Variants in GPHN observed in about 807,000 individuals in gnomAD.
GPHN encodes the protein gephyrin.
In GPHN, 17 loss-of-function variants were observed where a neutral mutation model predicts 95.5. The ratio of observed to expected loss-of-function variants is 0.18; its 90% CI spans 0.12 to 0.27. The LOEUF is 0.27. Ranked by LOEUF, GPHN falls within the 10% of genes least tolerant of loss-of-function variation. The probability of loss-of-function intolerance (pLI) is 1.00; values close to 1 mark genes in which losing one functional copy is unlikely to be tolerated. For missense variants in GPHN, 660 were observed against 978.1 expected (o/e 0.67, Z 4.34); for synonymous variants, 320 against 322.5 (o/e 0.99, Z 0.08).
intron 2 of GPHN, among the ~76,000 whole-genome samples, chr14:66,738,056 G>A (rs190886716): frequency 5.3e-5 from 8 of 152,106 alleles, no homozygotes; most frequent in Admixed American, 2.0e-4. Flanking sequence ...AATCCTCCAG[G>A]GAACATGTAA....
chr14:67,012,744 A>C (rs1212814942), intron 9 of GPHN, among the ~76,000 whole-genome samples: 6 of 152,142 alleles, frequency 3.9e-5, no homozygotes, highest in Admixed American at 2.6e-4. Context: ...AAATTCAACA[A>C]AACATTTGAG....
rs537235454 is a variant in GPHN, at chr14:66,726,995, T to A, written c.143+45810T>A. On this transcript the variant is annotated intron_variant, in intron 2 of 22. Transcript: ENST00000478722. ...GCTGTGTCCCCCCTCAAATCTCATC[T>A]TGAATTGTAACTCCCACAATTCCCA... Among the ~76,000 whole-genome samples the A allele has an allele frequency of 5.9e-5, 9 of 152,364 alleles. No individual in the cohort carries two copies. In the East Asian group the frequency reaches 1.2e-3, roughly 20 times the overall value.
At chr14:66,755,002 A>G (rs1214468757) in intron 2 of GPHN, among the ~76,000 whole-genome samples, 1 of 152,098 alleles carries the variant, frequency 6.6e-6, no homozygotes, top group Non-Finnish European at 1.5e-5. Flanking sequence ...AACATTAATC[A>G]GCAGAACTTA....
At chr14:66,645,991 C>G (rs1209833690) in intron 1 of GPHN, among the ~76,000 whole-genome samples, 1 of 152,058 alleles carries the variant, frequency 6.6e-6, no homozygotes, top group Non-Finnish European at 1.5e-5. Context: ...TGCTCCAGGT[C>G]ACTTCTCATA....
At chr14:66,704,167 A>G (rs1222423065) in intron 2 of GPHN, among the ~76,000 whole-genome samples, 3 of 152,148 alleles carry the variant, frequency 2.0e-5, no homozygotes, top group Non-Finnish European at 4.4e-5. Context: ...CAGATTTATT[A>G]AACAAGTTGC....
At chr14:66,746,303 T>C (rs1440290694) in intron 2 of GPHN, among the ~76,000 whole-genome samples, 1 of 152,176 alleles carries the variant, frequency 6.6e-6, no homozygotes, top group Non-Finnish European at 1.5e-5. Context: ...CAATCAATTG[T>C]CTTATCCCAT....
intron 17 of GPHN, among the ~76,000 whole-genome samples, chr14:67,138,685 G>C (rs191598572): frequency 7.2e-5 from 11 of 152,046 alleles, no homozygotes; most frequent in African/African-American, 2.7e-4. Flanking sequence ...TTAAAATATA[G>C]CATGAATCAT....
At chr14:67,138,117 A>C (rs2080209781) in intron 17 of GPHN, among the ~76,000 whole-genome samples, 1 of 152,216 alleles carries the variant, frequency 6.6e-6, no homozygotes, top group Non-Finnish European at 1.5e-5. Flanking sequence ...TTCATAATGC[A>C]AATATTACTA....
rs1018036895 is a variant in GPHN, at chr14:66,851,718, G to A, written c.294+27152G>A. The stretch of plus-strand genomic sequence containing the variant: ...GGAGGATACCTTTGTCATATTAAAG[G>A]CATTTGGATTTTTTTTTCTATTAAG... On this transcript the variant is annotated intron_variant, in intron 4 of 22. Coordinates refer to ENST00000478722, the MANE Select transcript of GPHN (RefSeq NM_020806.5). Among the ~76,000 whole-genome samples the A allele has an allele frequency of 5.3e-5, 8 of 152,072 alleles. No individual in the cohort carries two copies. The South Asian group carries it at 1.5e-3, about 28-fold the overall frequency.
the GPHN span, among the ~76,000 whole-genome samples, chr14:67,349,661 T>A: frequency 6.6e-6 from 1 of 151,956 alleles, no homozygotes; most frequent in Non-Finnish European, 1.5e-5. Context: ...GTGGTGAAAC[T>A]CAAAAATACA....
intron 10 of GPHN, among the ~76,000 whole-genome samples, chr14:67,033,662 T>C (rs2074292213): frequency 6.6e-6 from 1 of 152,124 alleles, no homozygotes; most frequent in Admixed American, 6.6e-5. Context: ...CCAAACTTAT[T>C]TGAAGAAATA....
chr14:67,577,340 A>G, the GPHN span: 2 of 1,583,906 alleles, frequency 1.3e-6, no homozygotes, highest in Non-Finnish European at 1.7e-6. Flanking sequence ...GTGCTACAGC[A>G]AAGACGGCCT....
intron 5 of GPHN, among the ~76,000 whole-genome samples, chr14:66,897,135 G>T (rs2064894680): frequency 2.0e-5 from 3 of 152,068 alleles, no homozygotes; most frequent in Non-Finnish European, 4.4e-5. Flanking sequence ...CCCTTTACTA[G>T]TTTTTTCCAG....
rs1216565518 is a variant in GPHN, at chr14:67,144,236, TAAA to T, written c.1836+800_1836+802del. 7.8e-3 allele frequency among the ~76,000 whole-genome samples: 423 copies of T among 54,030 alleles called. 5 individuals carry two copies. The highest frequency in any genetic ancestry group is 8.3e-3 in the Non-Finnish European group (298 of 35,978). 35.4% of individuals were successfully genotyped at this position (54,030 alleles called of 152,430 possible). On this transcript the variant is annotated intron_variant, in intron 18 of 22. Transcript: ENST00000478722. ...TGGGCAACACAGCAAGACCCTGTCT[TAAA>T]AAAAAAAAAAAATATATATATATAT...
chr14:66,705,759 A>G (rs1462907128), intron 2 of GPHN, among the ~76,000 whole-genome samples: 1 of 152,206 alleles, frequency 6.6e-6, no homozygotes, highest in Non-Finnish European at 1.5e-5. Context: ...CTGGTACAAG[A>G]CAAGGATGCC....
At chr14:67,198,175 C>T in the GPHN span, 1 of 1,612,416 alleles carries the variant, frequency 6.2e-7, no homozygotes, top group African/African-American at 1.3e-5. Flanking sequence ...AAGAAGAACA[C>T]CAGCAAGACT....
the GPHN span, among the ~76,000 whole-genome samples, chr14:67,306,537 T>TG: frequency 2.1e-5 from 3 of 142,320 alleles, no homozygotes; most frequent in Non-Finnish European, 3.1e-5. Flanking sequence ...GTGTGTGTGT[T>TG]TGTGTATTTT....
the GPHN span, among the ~76,000 whole-genome samples, chr14:67,477,275 C>T: frequency 1.3e-5 from 2 of 152,182 alleles, no homozygotes; most frequent in South Asian, 4.1e-4. Context: ...TTGACATCTT[C>T]AGCCTTTTCC....
intron 1 of GPHN, among the ~76,000 whole-genome samples, chr14:66,636,637 T>A (rs1421139240): frequency 1.3e-5 from 2 of 152,148 alleles, no homozygotes; most frequent in African/African-American, 4.8e-5. Context: ...CCATGATAAG[T>A]GTTCAATGTG....
Sources: gnomAD v4.1 joint callset for allele counts (sites outside exome capture counted in the v4.1 genomes callset) on GRCh38, gnomAD v4.1.1 for gene constraint, MANE v1.5 for transcripts, NCBI Gene and HGNC (gene_info 2026-07-23, HGNC 2026-07-21) for gene names.